The following LRP12 variants were observed in gnomAD, a reference collection of about 807,000 sequenced individuals.
LRP12 encodes the protein low-density lipoprotein receptor-related protein 12.
In LRP12, 14 loss-of-function variants were observed where a neutral mutation model predicts 66.0. The observed-to-expected ratio is 0.21, with a 90% CI of 0.14 to 0.33. The LOEUF is 0.33. LRP12 is among the 10% of genes least tolerant of loss of function. The pLI, the probability that LRP12 is intolerant of heterozygous loss-of-function variation, is 1.00. For missense variants in LRP12, 889 were observed against 1,053.4 expected (o/e 0.84, Z 2.16); for synonymous variants, 357 against 359.1 (o/e 0.99, Z 0.07).
intron 1 of LRP12, among the ~76,000 whole-genome samples, chr8:104,550,733 C>A (rs1057234712): frequency 6.6e-6 from 1 of 152,100 alleles, no homozygotes; most frequent in African/African-American, 2.4e-5. Flanking sequence ...CTTCTTACTG[C>A]ATTAAATATA....
intron 1 of LRP12, among the ~76,000 whole-genome samples, chr8:104,574,738 T>C (rs1474193599): frequency 1.3e-5 from 2 of 152,236 alleles, no homozygotes; most frequent in African/African-American, 4.8e-5. Context: ...CATTAATAAT[T>C]ACTTTCTACT....
Position 104,490,704 on chromosome 8 carries a change from G to C in LRP12, c.2549C>G (p.Thr850Arg). The C allele has an allele frequency of 2.5e-6, 4 of 1,613,336 alleles. No individual in the cohort carries two copies. The highest frequency in any genetic ancestry group is 3.4e-6 in the Non-Finnish European group (4 of 1,179,738). The stretch of plus-strand genomic sequence containing the variant: ...AAGTAACAAAGCCTCATCATCACTC[G>C]TTTCGTTTTTCAGTGTTACTTCTAA... Reference protein sequence around the residue: ...TCLEVTLKNETSDDEALLLC With the variant: ...TCLEVTLKNERSDDEALLLC Residue 850 changes from threonine to arginine, a missense_variant, in exon 7 of 7, where the codon ACG becomes AGG. By Grantham distance (71) the Thr-to-Arg change is moderately conservative. Transcript: ENST00000276654.
intron 1 of LRP12, among the ~76,000 whole-genome samples, chr8:104,574,332 A>G (rs1344299631): frequency 6.6e-6 from 1 of 152,246 alleles, no homozygotes; most frequent in Non-Finnish European, 1.5e-5. Context: ...TACAAAAACC[A>G]TTCTTTGGAT....
chr8:104,568,946 C>G (rs955843927), intron 1 of LRP12, among the ~76,000 whole-genome samples: 2 of 152,116 alleles, frequency 1.3e-5, no homozygotes, highest in Non-Finnish European at 2.9e-5. Flanking sequence ...AGAACTGAAA[C>G]TATGTGTCCA....
intron 1 of LRP12, among the ~76,000 whole-genome samples, chr8:104,562,732 C>T (rs1231877820): frequency 6.6e-6 from 1 of 152,036 alleles, no homozygotes; most frequent in African/African-American, 2.4e-5. Context: ...TGTCCATCTA[C>T]TGGAGATGGG....
intron 1 of LRP12, 96 bp from the exon 2 acceptor site, chr8:104,532,059 C>G (rs748262286): frequency 3.0e-6 from 2 of 672,506 alleles, no homozygotes; most frequent in Non-Finnish European, 5.2e-6. Flanking sequence ...ACATAGAGTT[C>G]CTTTTAATAC....
At chr8:104,535,510 T>TGGG (rs1811381436) in intron 1 of LRP12, among the ~76,000 whole-genome samples, 1 of 151,998 alleles carries the variant, frequency 6.6e-6, no homozygotes, top group African/African-American at 2.4e-5. Flanking sequence ...TTTTATATAT[T>TGGG]TCTGTCCTTT....
intron 3 of LRP12, chr8:104,508,669 T>A: frequency 3.7e-6 from 1 of 270,066 alleles, no homozygotes. Flanking sequence ...ATAGGCTATT[T>A]TGCAAATGTC....
chr8:104,548,340 T>TATATC (rs1208126028), intron 1 of LRP12, among the ~76,000 whole-genome samples: 2 of 672 alleles, frequency 3.0e-3, no homozygotes, highest in Non-Finnish European at 0.019. Flanking sequence ...ATTATATAAA[T>TATATC]ATATAAATAT....
chr8:104,531,520 A>C (rs1416957614), intron 2 of LRP12, among the ~76,000 whole-genome samples: 1 of 152,142 alleles, frequency 6.6e-6, no homozygotes, highest in Non-Finnish European at 1.5e-5. Context: ...TAGTACTATA[A>C]AAATCAAGCA....
At position 104,509,141 on chromosome 8, in the gene LRP12, T is replaced by C. The variant is rs1382761664; in HGVS notation, c.137-67A>G. ...TTAAATGGTATTAGGTAAATCAGTGTTTATTTTTTAAAAACCAAAAAACTT... is the reference window on the plus strand; with the variant it reads ...TTAAATGGTATTAGGTAAATCAGTGCTTATTTTTTAAAAACCAAAAAACTT... On this transcript the variant is annotated intron_variant, in intron 2 of 6. Transcript: ENST00000276654. The C allele has an allele frequency of 4.1e-6, 6 of 1,476,878 alleles. No homozygotes were observed. The African/African-American group carries it at 5.6e-5, about 14-fold the overall frequency. The allele number at this position is 1,476,878 out of a possible 1,614,324, so 91.5% of individuals were successfully genotyped here. A position where few individuals can be genotyped will look rare whatever the true frequency, so the allele number is the denominator to read the frequency against.
chr8:104,525,049 T>A (rs111871960), intron 2 of LRP12, among the ~76,000 whole-genome samples: 1 of 152,098 alleles, frequency 6.6e-6, no homozygotes, highest in Non-Finnish European at 1.5e-5. Flanking sequence ...AAGAAACATA[T>A]AATTTAGACA....
At chr8:104,499,825 C>A (rs1174630758) in intron 3 of LRP12, among the ~76,000 whole-genome samples, 3 of 152,094 alleles carry the variant, frequency 2.0e-5, no homozygotes, top group Non-Finnish European at 4.4e-5. Flanking sequence ...TTGGGAAAGA[C>A]CACTTCTAAC....
chr8:104,520,713 T>TA (rs1327576991), intron 2 of LRP12, among the ~76,000 whole-genome samples: 1 of 152,070 alleles, frequency 6.6e-6, no homozygotes, highest in Non-Finnish European at 1.5e-5. Flanking sequence ...ATCAGGCTGT[T>TA]AGTCAACTGA....
At chr8:104,577,217 C>A (rs916514803) in intron 1 of LRP12, among the ~76,000 whole-genome samples, 3 of 152,106 alleles carry the variant, frequency 2.0e-5, no homozygotes, top group African/African-American at 7.2e-5. Context: ...GAATTCAGCA[C>A]TAGATCAAAC....
At chr8:104,572,130 T>C (rs1371197837) in intron 1 of LRP12, among the ~76,000 whole-genome samples, 1 of 152,272 alleles carries the variant, frequency 6.6e-6, no homozygotes, top group East Asian at 1.9e-4. Flanking sequence ...CAAGATATTA[T>C]GCTGAGTAAA....
intron 1 of LRP12, among the ~76,000 whole-genome samples, chr8:104,560,276 C>A (rs141455581): frequency 6.6e-6 from 1 of 151,912 alleles, no homozygotes; most frequent in Non-Finnish European, 1.5e-5. Context: ...TACTGAAGAA[C>A]AGAATCAAGT....
intron 1 of LRP12, among the ~76,000 whole-genome samples, chr8:104,585,613 G>A (rs1211500176): frequency 6.6e-6 from 1 of 152,126 alleles, no homozygotes; most frequent in African/African-American, 2.4e-5. Context: ...TTTATTTAAT[G>A]AGTCCAGACC....
intron 1 of LRP12, among the ~76,000 whole-genome samples, chr8:104,572,917 G>C (rs1247313403): frequency 1.3e-5 from 2 of 152,068 alleles, no homozygotes; most frequent in African/African-American, 4.8e-5. Context: ...ATAAAATAAA[G>C]ACCAGAGATA....
Sources: gnomAD v4.1 joint callset for allele counts (sites outside exome capture counted in the v4.1 genomes callset) on GRCh38, gnomAD v4.1.1 for gene constraint, MANE v1.5 for transcripts, NCBI Gene and HGNC (gene_info 2026-07-23, HGNC 2026-07-21) for gene names.